Variants in KATNBL1 observed in about 807,000 individuals in gnomAD.
The protein encoded by KATNBL1 is katanin regulatory subunit B1 like 1.
In KATNBL1, 28 loss-of-function variants were observed where a neutral mutation model predicts 44.7. That is an observed-to-expected ratio of 0.63 (90% CI 0.46 to 0.86). The LOEUF is 0.86. Ranked by LOEUF, KATNBL1 falls within the 40% of genes least tolerant of loss-of-function variation. The pLI is 0.00. For synonymous variants in KATNBL1, 78 were observed against 114.9 expected (o/e 0.68, Z 2.06); for missense variants, 272 against 350.7 (o/e 0.78, Z 1.79).
chr15:34,186,645 C>A (rs1055913429), intron 1 of KATNBL1, among the ~76,000 whole-genome samples: 1 of 152,236 alleles, frequency 6.6e-6, no homozygotes, highest in Admixed American at 6.5e-5. Flanking sequence ...CTGCAGTCTA[C>A]ACCCTTGGGC....
intron 1 of KATNBL1, chr15:34,208,789 T>A (rs1890358236): frequency 6.6e-6 from 1 of 152,186 alleles, no homozygotes; most frequent in Non-Finnish European, 1.5e-5. Flanking sequence ...CACTCAGGTC[T>A]CCGAAGTTTA....
intron 1 of KATNBL1, among the ~76,000 whole-genome samples, chr15:34,182,386 TA>T (rs1247924916): frequency 6.6e-6 from 1 of 152,180 alleles, no homozygotes; most frequent in Non-Finnish European, 1.5e-5. Flanking sequence ...CATATACAAT[TA>T]CGGTGTTCTG....
chr15:34,167,092 T>C (rs1889001150), intron 1 of KATNBL1, among the ~76,000 whole-genome samples: 1 of 152,108 alleles, frequency 6.6e-6, no homozygotes, highest in Non-Finnish European at 1.5e-5. Context: ...GGATGGAGAA[T>C]GAGTTTGACA....
At chr15:34,148,287 A>G (rs1231777133) in intron 5 of KATNBL1, 1 of 159,628 alleles carries the variant, frequency 6.3e-6, no homozygotes, top group Non-Finnish European at 1.4e-5. Flanking sequence ...TTACTCTTAG[A>G]TGGGTGAGGA....
intron 1 of KATNBL1, among the ~76,000 whole-genome samples, chr15:34,189,275 C>T (rs1248939995): frequency 2.0e-5 from 3 of 152,242 alleles, no homozygotes; most frequent in African/African-American, 4.8e-5. Context: ...CCGCCCGCCT[C>T]AGCCTCCCAA....
intron 1 of KATNBL1, among the ~76,000 whole-genome samples, chr15:34,188,266 C>A (rs543232724): frequency 6.7e-6 from 1 of 150,018 alleles, no homozygotes; most frequent in Non-Finnish European, 1.5e-5. Context: ...CTATAAATAG[C>A]GCAAATGAGC....
chr15:34,203,651 T>C (rs1045565586), intron 1 of KATNBL1, among the ~76,000 whole-genome samples: 1 of 152,232 alleles, frequency 6.6e-6, no homozygotes, highest in Non-Finnish European at 1.5e-5. Context: ...GCAGGAACCA[T>C]GTTCATTGTA....
rs1188219107 is a variant in KATNBL1 at position 34,141,398 on chromosome 15, T to C, written c.*941A>G. ...AATCAGAATTTAAAAAAGCAAAAAA[T>C]AGAAATATTTAGTGAATTTACTCAA... On this transcript the variant is annotated 3_prime_UTR_variant, in exon 10 of 10. Transcript: ENST00000256544. 3 of 152,420 alleles carry C rather than the reference T, an allele frequency of 2.0e-5. No individual in the cohort carries two copies. Among genetic ancestry groups the C allele is most frequent in the Non-Finnish European group, 4.4e-5 (3 of 67,950 alleles). 9.4% of individuals were successfully genotyped at this position (152,420 alleles called of 1,614,324 possible).
chr15:34,187,967 C>T (rs550429933), intron 1 of KATNBL1, among the ~76,000 whole-genome samples: 38 of 150,836 alleles, frequency 2.5e-4, no homozygotes, highest in Middle Eastern at 6.8e-3. Context: ...GGTGAAACCC[C>T]GTATCTACTA....
At chr15:34,176,004 C>T (rs560946749) in intron 1 of KATNBL1, among the ~76,000 whole-genome samples, 2 of 152,276 alleles carry the variant, frequency 1.3e-5, no homozygotes, top group South Asian at 4.1e-4. Context: ...AAGCAAAAAA[C>T]AACCCAAATG....
At chr15:34,184,645 T>C (rs1889670470) in intron 1 of KATNBL1, among the ~76,000 whole-genome samples, 1 of 131,742 alleles carries the variant, frequency 7.6e-6, no homozygotes, top group African/African-American at 2.8e-5. Context: ...CGATCTCGGC[T>C]TACTGCAAGC....
rs1889582627 is a variant in KATNBL1, at chr15:34,182,021, C to A, written c.-14-18331G>T. ...GGTGTAGGCACTGAAGACATATTAT[C>A]CTCTTTCTATAGGTAAGAAAATAAA... On this transcript the variant is annotated intron_variant, in intron 1 of 9. Coordinates refer to ENST00000256544, the MANE Select transcript of KATNBL1 (RefSeq NM_024713.3). 2.6e-5 allele frequency among the ~76,000 whole-genome samples: 4 copies of A among 151,448 alleles called. No individual in the cohort carries two copies. The South Asian group carries it at 8.3e-4, about 32-fold the overall frequency.
intron 2 of KATNBL1, 77 bp downstream of exon 2, chr15:34,163,483 A>C (rs1365872288): frequency 6.6e-7 from 1 of 1,508,156 alleles, no homozygotes; most frequent in Admixed American, 2.5e-5. Flanking sequence ...CCCATTGTTT[A>C]AACAATTCAA....
intron 3 of KATNBL1, among the ~76,000 whole-genome samples, chr15:34,153,515 T>C (rs1163405035): frequency 6.6e-6 from 1 of 152,182 alleles, no homozygotes; most frequent in African/African-American, 2.4e-5. Flanking sequence ...AATACAGTGG[T>C]TCTCAAACGT....
chr15:34,170,525 T>C (rs149509384), intron 1 of KATNBL1, among the ~76,000 whole-genome samples: 9,719 of 152,248 alleles, frequency 0.064, 373 homozygotes, highest in Middle Eastern at 0.1. Context: ...AGGTAATTTA[T>C]AGATTCAACG....
chr15:34,193,241 A>C (rs1487905221), intron 1 of KATNBL1, among the ~76,000 whole-genome samples: 2 of 148,188 alleles, frequency 1.3e-5, no homozygotes, highest in African/African-American at 5.0e-5. Flanking sequence ...AAAAACAAAA[A>C]AAAAACTTAA....
chr15:34,183,197 T>C (rs1364235527), intron 1 of KATNBL1, among the ~76,000 whole-genome samples: 2 of 152,188 alleles, frequency 1.3e-5, no homozygotes, highest in African/African-American at 4.8e-5. Flanking sequence ...ACCGGTTTTG[T>C]TTGCTCCTCT....
In KATNBL1 at chr15:34,141,671, C is replaced by T. The variant is rs1490506289; in HGVS notation, c.*668G>A. 1 of 152,542 alleles carries T rather than the reference C, an allele frequency of 6.6e-6. No homozygotes were observed. Among genetic ancestry groups the T allele is most frequent in the East Asian group, 1.9e-4 (1 of 5,204 alleles). 9.4% of individuals were successfully genotyped at this position (152,542 alleles called of 1,614,324 possible). A position where few individuals can be genotyped will look rare whatever the true frequency, so the allele number is the denominator to read the frequency against. ...GTGCAGAGAGTGTTTCAAGAACACT[C>T]TACAAGAATGTAAACCCCTGATTTA... On this transcript the variant is annotated 3_prime_UTR_variant, in exon 10 of 10. Coordinates refer to ENST00000256544, the MANE Select transcript of KATNBL1 (RefSeq NM_024713.3).
At chr15:34,171,277 A>C (rs1221177621) in intron 1 of KATNBL1, among the ~76,000 whole-genome samples, 1 of 152,248 alleles carries the variant, frequency 6.6e-6, no homozygotes, top group Non-Finnish European at 1.5e-5. Flanking sequence ...TGGGCAAAGG[A>C]TATGAACAGA....
Sources: allele counts gnomAD v4.1 joint callset (sites outside exome capture counted in the v4.1 genomes callset), GRCh38; gene constraint gnomAD v4.1.1; transcripts MANE v1.5; gene names NCBI Gene and HGNC (gene_info 2026-07-23, HGNC 2026-07-21).